Variants in BTLA observed in about 807,000 individuals in gnomAD.
BTLA encodes B and T lymphocyte associated.
BTLA carries 11 observed loss-of-function variants against 25.0 expected under a neutral mutation model. The observed-to-expected ratio is 0.44, with a 90% CI of 0.28 to 0.73. BTLA has a LOEUF of 0.73. Ranked by LOEUF, BTLA falls within the 30% of genes least tolerant of loss-of-function variation. The pLI, the probability that BTLA is intolerant of heterozygous loss-of-function variation, is 0.15. For missense variants in BTLA, 282 were observed against 332.8 expected (o/e 0.85, Z 1.19); for synonymous variants, 104 against 119.8 (o/e 0.87, Z 0.86).
intron 1 of BTLA, among the ~76,000 whole-genome samples, chr3:112,494,231 G>A (rs1312310879): frequency 6.6e-6 from 1 of 152,302 alleles, no homozygotes; most frequent in Middle Eastern, 3.4e-3. Flanking sequence ...CAGTCAGAAT[G>A]GTGATTATTA....
rs34696377 is a variant in BTLA, at chr3:112,478,005, C to CT, written c.403+1449dup. On this transcript the variant is annotated intron_variant, in intron 2 of 4. Transcript: ENST00000334529. Reference sequence around the variant, plus strand: ...TTTGTCTATCCATGACAATACTATTCTTTTTTTTTTTTTTTAACTGTCATT... The same window carrying CT: ...TTTGTCTATCCATGACAATACTATTCTTTTTTTTTTTTTTTTAACTGTCATT... Among the ~76,000 whole-genome samples, 217 of 144,138 alleles carry CT rather than the reference C, an allele frequency of 1.5e-3. 2 individuals carry two copies. Among genetic ancestry groups the CT allele is most frequent in the African/African-American group, 5.4e-3 (209 of 38,932 alleles). The allele number at this position is 144,138 out of a possible 152,430, so 94.6% of individuals were successfully genotyped here. A position where few individuals can be genotyped will look rare whatever the true frequency, so the allele number is the denominator to read the frequency against.
chr3:112,468,020 C>T (rs1024402706), intron 4 of BTLA, among the ~76,000 whole-genome samples: 1 of 152,208 alleles, frequency 6.6e-6, no homozygotes, highest in Non-Finnish European at 1.5e-5. Flanking sequence ...CCTGCTGTGG[C>T]ACCCCGTCAA....
intron 2 of BTLA, among the ~76,000 whole-genome samples, chr3:112,472,514 T>C (rs754222740): frequency 3.3e-5 from 5 of 152,108 alleles, no homozygotes; most frequent in Middle Eastern, 3.4e-3. Context: ...ATGGCCAAAA[T>C]GGTGAAACCC....
At chr3:112,471,880 CT>C (rs1416597311) in intron 2 of BTLA, among the ~76,000 whole-genome samples, 1 of 152,200 alleles carries the variant, frequency 6.6e-6, no homozygotes, top group East Asian at 1.9e-4. Context: ...TAAAAGTGCT[CT>C]GCATGGCACA....
intron 2 of BTLA, among the ~76,000 whole-genome samples, chr3:112,477,143 A>C (rs1311270883): frequency 2.6e-5 from 4 of 152,160 alleles, no homozygotes; most frequent in Non-Finnish European, 5.9e-5. Flanking sequence ...ATAAACATTC[A>C]GGAACAAGGT....
intron 1 of BTLA, among the ~76,000 whole-genome samples, chr3:112,490,720 C>G (rs910845577): frequency 3.0e-4 from 9 of 30,020 alleles, no homozygotes; most frequent in African/African-American, 1.1e-3. Flanking sequence ...TACATTTATG[C>G]CCATTATTTA....
intron 2 of BTLA, among the ~76,000 whole-genome samples, chr3:112,479,075 A>G (rs967633288): frequency 7.2e-5 from 11 of 152,148 alleles, no homozygotes; most frequent in African/African-American, 2.4e-4. Flanking sequence ...GAAGAGAAAA[A>G]TGGGAAAAAG....
chr3:112,482,558 C>T (rs1163746034), intron 1 of BTLA, among the ~76,000 whole-genome samples: 1 of 152,182 alleles, frequency 6.6e-6, no homozygotes, highest in African/African-American at 2.4e-5. Flanking sequence ...CTTAAAAACC[C>T]TTCCTGCTCA....
intron 4 of BTLA, among the ~76,000 whole-genome samples, chr3:112,468,258 G>C (rs975982910): frequency 6.6e-6 from 1 of 152,184 alleles, no homozygotes; most frequent in Non-Finnish European, 1.5e-5. Context: ...TACCCTCAAA[G>C]GACCGTTTTG....
At chr3:112,495,228 C>T (rs2082402854) in intron 1 of BTLA, among the ~76,000 whole-genome samples, 1 of 152,136 alleles carries the variant, frequency 6.6e-6, no homozygotes, top group Admixed American at 6.5e-5. Flanking sequence ...GATACTAATC[C>T]ATGGAGTCTG....
rs185935373 is a variant in BTLA, at chr3:112,471,019, G to A, written c.547+193C>T. The stretch of plus-strand genomic sequence containing the variant: ...TGTGCGTGGTGAGCATGCCTCTCCC[G>A]TGACTCAAGGGAGCCCCAACCAACC... On this transcript the variant is annotated intron_variant, in intron 3 of 4. Transcript: ENST00000334529. 5.1e-4 allele frequency among the ~76,000 whole-genome samples: 77 copies of A among 152,286 alleles called. 1 individual carries two copies. The highest frequency in any genetic ancestry group is 2.9e-3 in the Admixed American group (44 of 15,294).
chr3:112,494,137 C>T (rs1403859894), intron 1 of BTLA, among the ~76,000 whole-genome samples: 1 of 152,010 alleles, frequency 6.6e-6, no homozygotes. Context: ...ATTTATGCCA[C>T]CAACAAACAT....
intron 4 of BTLA, among the ~76,000 whole-genome samples, chr3:112,469,347 A>C (rs957147529): frequency 1.3e-5 from 2 of 151,966 alleles, no homozygotes; most frequent in South Asian, 2.1e-4. Flanking sequence ...TTGTGGGTTC[A>C]TTCTTTCATC....
intron 1 of BTLA, among the ~76,000 whole-genome samples, chr3:112,486,167 T>A (rs2082346632): frequency 6.6e-6 from 1 of 152,158 alleles, no homozygotes; most frequent in Non-Finnish European, 1.5e-5. Flanking sequence ...CCCCCCAGGC[T>A]CTTATATAAT....
At position 112,469,652 on chromosome 3, in the gene BTLA, A is replaced by G. The variant is rs2082251605; in HGVS notation, c.594+106T>C. The stretch of plus-strand genomic sequence containing the variant: ...ATATATATATATATATATATATAGT[A>G]CATAGAATAATGCCTGGCACATGGT... On this transcript the variant is annotated intron_variant, in intron 4 of 4. Coordinates refer to ENST00000334529, the MANE Select transcript of BTLA (RefSeq NM_181780.4). The G allele has an allele frequency of 6.6e-6, 3 of 457,016 alleles. No homozygotes were observed. The African/African-American group carries it at 9.5e-5, about 15-fold the overall frequency. 28.3% of individuals were successfully genotyped at this position (457,016 alleles called of 1,614,324 possible).
At chr3:112,470,807 A>T (rs1264464499) in intron 3 of BTLA, among the ~76,000 whole-genome samples, 1 of 152,192 alleles carries the variant, frequency 6.6e-6, no homozygotes, top group Admixed American at 6.5e-5. Flanking sequence ...GATTGGCATG[A>T]TGTGGTGTGG....
intron 1 of BTLA, among the ~76,000 whole-genome samples, chr3:112,483,490 C>T (rs1292435259): frequency 6.6e-6 from 1 of 151,872 alleles, no homozygotes; most frequent in Non-Finnish European, 1.5e-5. Context: ...AATCAATTTA[C>T]TATATACCAG....
chr3:112,469,651 T>TATATATATATA lies in BTLA; in HGVS notation c.594+106_594+107insTATATATATAT, dbSNP rs57105315. 13 of 405,274 alleles carry TATATATATATA rather than the reference T, an allele frequency of 3.2e-5. No homozygotes were observed. The African/African-American group carries it at 4.4e-4, about 14-fold the overall frequency. 25.1% of individuals were successfully genotyped at this position (405,274 alleles called of 1,614,324 possible). A position where few individuals can be genotyped will look rare whatever the true frequency, so the allele number is the denominator to read the frequency against. On this transcript the variant is annotated intron_variant, in intron 4 of 4. Coordinates refer to ENST00000334529, the MANE Select transcript of BTLA (RefSeq NM_181780.4). ...TATATATATATATATATATATATAG[T>TATATATATATA]ACATAGAATAATGCCTGGCACATGG...
At position 112,467,817 on chromosome 3, in the gene BTLA, A is replaced by G. The variant is rs7619153; in HGVS notation, c.595-1434T>C. On this transcript the variant is annotated intron_variant, in intron 4 of 4. Transcript: ENST00000334529. ...GGTTGAGGTCAGTAGGTGGCACACT[A>G]AAGAAGACTGTCAAGTGAACTGAAA... Among the ~76,000 whole-genome samples the G allele has an allele frequency of 2.4e-3, 369 of 152,356 alleles. 3 individuals carry two copies. The highest frequency in any genetic ancestry group is 8.5e-3 in the African/African-American group (355 of 41,572).
Sources: allele counts gnomAD v4.1 joint callset (sites outside exome capture counted in the v4.1 genomes callset), GRCh38; gene constraint gnomAD v4.1.1; transcripts MANE v1.5; gene names NCBI Gene and HGNC (gene_info 2026-07-23, HGNC 2026-07-21).